Variants in SVOP observed in about 807,000 individuals in gnomAD.
SVOP encodes synaptic vesicle 2-related protein.
SVOP carries 17 observed loss-of-function variants against 69.1 expected under a neutral mutation model. That is an observed-to-expected ratio of 0.25 (90% CI 0.17 to 0.37). SVOP has a LOEUF of 0.37. Among genes scored for constraint, SVOP ranks in the 10% least tolerant of loss-of-function variants. The probability of loss-of-function intolerance (pLI) is 1.00; values close to 1 mark genes in which losing one functional copy is unlikely to be tolerated. For synonymous variants in SVOP, 238 were observed against 238.6 expected, an observed-to-expected ratio of 1.00 and a Z score of 0.02; for missense variants, 435 against 597.5, an observed-to-expected ratio of 0.73 and a Z score of 2.84.
chr12:108,962,667 C>T (rs750386856), intron 5 of SVOP, among the ~76,000 whole-genome samples: 4 of 152,088 alleles, frequency 2.6e-5, no homozygotes, highest in Non-Finnish European at 5.9e-5. Context: ...GGACACAATG[C>T]TTCAAGACAA....
intron 2 of SVOP, among the ~76,000 whole-genome samples, chr12:108,983,219 A>T (rs1341008814): frequency 6.6e-6 from 1 of 151,088 alleles, no homozygotes; most frequent in East Asian, 2.0e-4. Flanking sequence ...GATCATCACC[A>T]TCACCATAAT....
At chr12:108,976,487 A>G (rs1386566211) in intron 4 of SVOP, among the ~76,000 whole-genome samples, 3 of 152,150 alleles carry the variant, frequency 2.0e-5, no homozygotes, top group African/African-American at 7.2e-5. Context: ...GCACATGTAC[A>G]TTGTGCATAT....
intron 4 of SVOP, among the ~76,000 whole-genome samples, chr12:108,974,781 C>A (rs1171168443): frequency 6.6e-6 from 1 of 151,808 alleles, no homozygotes; most frequent in Non-Finnish European, 1.5e-5. Context: ...AATGGAAATA[C>A]CAGTTCCAAG....
At chr12:108,924,137 C>T (rs1024252351) in intron 11 of SVOP, among the ~76,000 whole-genome samples, 3 of 152,140 alleles carry the variant, frequency 2.0e-5, no homozygotes, top group African/African-American at 7.2e-5. Context: ...GTGTTTGCCC[C>T]TTTTATCATG....
intron 1 of SVOP, among the ~76,000 whole-genome samples, chr12:108,985,261 A>AAGAG (rs1342411824): frequency 6.6e-6 from 1 of 151,692 alleles, no homozygotes; most frequent in East Asian, 1.9e-4. Context: ...AAAAGAAAGA[A>AAGAG]AGAGAGAGAG....
intron 9 of SVOP, among the ~76,000 whole-genome samples, chr12:108,938,545 T>C (rs2039869691): frequency 6.6e-6 from 1 of 152,240 alleles, no homozygotes. Flanking sequence ...GCAGGAGCAG[T>C]TACAGGACCC....
intron 1 of SVOP, among the ~76,000 whole-genome samples, chr12:109,007,960 C>T (rs752659933): frequency 6.6e-6 from 1 of 152,088 alleles, no homozygotes; most frequent in Non-Finnish European, 1.5e-5. Flanking sequence ...ATCATTTGAA[C>T]CCAAGAGGTG....
rs1294602262 is a variant in SVOP at position 108,912,049 on chromosome 12, G to A, written c.*486C>T. 3.7e-6 allele frequency: 2 copies of A among 536,256 alleles called. No homozygotes were observed. The highest frequency in any genetic ancestry group is 4.8e-6 in the Non-Finnish European group (2 of 417,536). The allele number at this position is 536,256 out of a possible 1,614,324, so 33.2% of individuals were successfully genotyped here. A position where few individuals can be genotyped will look rare whatever the true frequency, so the allele number is the denominator to read the frequency against. ...GCCCCTGCCAGGAAATAGCTGCTCA[G>A]ACCACACCTAGATCGCCTGCAATTT... On this transcript the variant is annotated 3_prime_UTR_variant, in exon 16 of 16. Coordinates refer to ENST00000610966, the MANE Select transcript of SVOP (RefSeq NM_018711.5).
intron 2 of SVOP, among the ~76,000 whole-genome samples, chr12:108,980,616 GGC>G (rs2040130441): frequency 7.3e-6 from 1 of 136,102 alleles, no homozygotes; most frequent in African/African-American, 2.9e-5. Context: ...TGGGCGCGGT[GGC>G]GGGCGCCTGT....
chr12:108,963,544 G>A (rs1208824427), intron 5 of SVOP, among the ~76,000 whole-genome samples: 1 of 151,960 alleles, frequency 6.6e-6, no homozygotes, highest in Admixed American at 6.6e-5. Context: ...CTGGAGTGCA[G>A]TGGCACGATC....
intron 8 of SVOP, among the ~76,000 whole-genome samples, chr12:108,939,200 AG>A (rs1397185629): frequency 6.6e-6 from 1 of 152,226 alleles, no homozygotes; most frequent in Non-Finnish European, 1.5e-5. Flanking sequence ...CCTACCTCTT[AG>A]GGCTCTTAAG....
Position 108,960,954 on chromosome 12 carries a change from C to G in SVOP, c.547G>C (p.Val183Leu), listed in dbSNP as rs1042803288. The G allele has an allele frequency of 1.3e-6, 2 of 1,537,102 alleles. No individual in the cohort carries two copies. The highest frequency in any genetic ancestry group is 3.9e-5 in the Admixed American group (2 of 50,986). ...GGAACTCCTCCGATCCCGAAGCCCA[C>G]CAGGCCCCGGAGCACCAGGATCCAG... ...YSWILVLRGL[V>L]GFGIGGVPQS... is the part of the protein sequence containing the mutation. The change falls in exon 6 of 16, where the codon GTG becomes CTG. Residue 183 changes from valine to leucine, a missense_variant. Val to Leu is a conservative substitution (Grantham distance 32). Coordinates refer to ENST00000610966, the MANE Select transcript of SVOP (RefSeq NM_018711.5).
intron 12 of SVOP, 26 bp from the exon 13 acceptor site, chr12:108,919,812 G>T: frequency 6.7e-7 from 1 of 1,503,362 alleles, no homozygotes; most frequent in Non-Finnish European, 9.1e-7. Context: ...GGAGAGATAG[G>T]CAGCTTCCGA....
Position 108,915,789 on chromosome 12 carries a change from G to A in SVOP, c.1434C>T (p.Ile478=), listed in dbSNP as rs768122599. The change falls in exon 15 of 16, where the codon ATC becomes ATT. Residue 478 remains isoleucine (I), a synonymous_variant. Coordinates refer to ENST00000610966, the MANE Select transcript of SVOP (RefSeq NM_018711.5). ...ATTTGGGGGCAGCACCTACCTGGGC[G>A]ATGAACGGAGTGATGAGAGCACCCA... ...ARVGALITPF[I]AQVMLESSVY... 41 of 1,604,210 alleles carry A rather than the reference G, an allele frequency of 2.6e-5. No individual in the cohort carries two copies. Among genetic ancestry groups the A allele is most frequent in the East Asian group, 9.0e-5 (4 of 44,336 alleles).
chr12:108,922,799 TG>T lies in SVOP; in HGVS notation c.1049-3del. 6.3e-7 allele frequency: 1 copy of T among 1,599,734 alleles called. No homozygotes were observed. The highest frequency in any genetic ancestry group is 1.7e-5 in the Admixed American group (1 of 57,860). On this transcript the variant is annotated splice_polypyrimidine_tract_variant and splice_region_variant and intron_variant, in intron 11 of 15. Coordinates refer to ENST00000610966, the MANE Select transcript of SVOP (RefSeq NM_018711.5). ...CTACAGCCTTCTTCCGACTGGAGAC[TG>T]GGGTTGGGAGAGAGAAAGAGAGGGG...
intron 1 of SVOP, among the ~76,000 whole-genome samples, chr12:108,993,841 T>C (rs1420045018): frequency 6.6e-6 from 1 of 152,054 alleles, no homozygotes; most frequent in Non-Finnish European, 1.5e-5. Flanking sequence ...GATGGACACA[T>C]AGAGAAATAT....
intron 7 of SVOP, among the ~76,000 whole-genome samples, chr12:108,941,724 C>T (rs1012555735): frequency 6.6e-6 from 1 of 151,816 alleles, no homozygotes; most frequent in Non-Finnish European, 1.5e-5. Flanking sequence ...TATAGTGGCG[C>T]AATCTTGGCT....
chr12:108,980,871 G>C (rs1440314535), intron 2 of SVOP, among the ~76,000 whole-genome samples: 1 of 152,200 alleles, frequency 6.6e-6, no homozygotes, highest in African/African-American at 2.4e-5. Context: ...GTTGCAGTGA[G>C]CTGAGACCGT....
At chr12:108,965,952 T>TTCCTTCTG (rs1410920897) in intron 5 of SVOP, among the ~76,000 whole-genome samples, 2 of 151,368 alleles carry the variant, frequency 1.3e-5, no homozygotes, top group African/African-American at 2.4e-5. Flanking sequence ...CTTTCCTTCT[T>TTCCTTCTG]TCCTCCCTCC....
Sources: gnomAD v4.1 joint callset for allele counts (sites outside exome capture counted in the v4.1 genomes callset) on GRCh38, gnomAD v4.1.1 for gene constraint, MANE v1.5 for transcripts, NCBI Gene and HGNC (gene_info 2026-07-23, HGNC 2026-07-21) for gene names.